Variants in F5 observed in about 807,000 individuals in gnomAD.
The protein encoded by F5 is activated protein c cofactor.
F5 carries 138 observed loss-of-function variants against 216.4 expected under a neutral mutation model. That is an observed-to-expected ratio of 0.64 (90% CI 0.56 to 0.73). F5 has a LOEUF of 0.73. Ranked by LOEUF, F5 falls within the 30% of genes least tolerant of loss-of-function variation. The pLI is 0.00. For synonymous variants in F5, 916 were observed against 930.7 expected (o/e 0.98, Z 0.29); for missense variants, 2,403 against 2,674.0 (o/e 0.90, Z 2.24).
chr1:169,572,327 A>G lies in F5; in HGVS notation c.267T>C (p.Thr89=). The change falls in exon 3 of 25, where the codon ACT becomes ACC. Residue 89 remains threonine (T), a synonymous_variant. Coordinates refer to ENST00000367797, the MANE Select transcript of F5 (RefSeq NM_000130.5). ...QSTISGLLGP[T]LYAEVGDIIK... The stretch of plus-strand genomic sequence containing the variant: ...TGATGTCTCCGACTTCAGCATATAA[A>G]GTAGGCCCAAGAAGTCCTGTGAAAA... 1 of 1,613,300 alleles carries G rather than the reference A, an allele frequency of 6.2e-7. No homozygotes were observed. The highest frequency in any genetic ancestry group is 8.5e-7 in the Non-Finnish European group (1 of 1,179,614).
At chr1:169,520,752 T>C (rs1659281153) in intron 21 of F5, 88 bp from the exon 22 acceptor site, 1 of 1,107,900 alleles carries the variant, frequency 9.0e-7, no homozygotes, top group Non-Finnish European at 1.3e-6. Context: ...AATATTGTAA[T>C]ACTACATTTT....
In F5 at chr1:169,550,020, A is replaced by C; in HGVS notation, c.1397-5T>G. 1 of 1,610,978 alleles carries C rather than the reference A, an allele frequency of 6.2e-7. No individual in the cohort carries two copies. Among genetic ancestry groups the C allele is most frequent in the Non-Finnish European group, 8.5e-7 (1 of 1,177,562 alleles). ...TGATCATGGTGTTGTTCCTGCCTGA[A>C]AGAAAATATATTCAAAATTGTTTTC... On this transcript the variant is annotated splice_polypyrimidine_tract_variant and splice_region_variant and intron_variant, in intron 9 of 24. Transcript: ENST00000367797.
rs1188145257 is a variant in F5, at chr1:169,560,772, G to A, written c.374-6C>T. 5 of 1,611,464 alleles carry A rather than the reference G, an allele frequency of 3.1e-6. No homozygotes were observed. Among genetic ancestry groups the A allele is most frequent in the Admixed American group, 1.7e-5 (1 of 59,934 alleles). ...GTGGTCAAGGTAAGAAGCACCTGGAGGAGTAACAGCCATCAAGACATGTGG... is the reference window on the plus strand; with the variant it reads ...GTGGTCAAGGTAAGAAGCACCTGGAAGAGTAACAGCCATCAAGACATGTGG... On this transcript the variant is annotated splice_polypyrimidine_tract_variant and splice_region_variant and intron_variant, in intron 3 of 24. Coordinates refer to ENST00000367797, the MANE Select transcript of F5 (RefSeq NM_000130.5).
rs1049666332 is a variant in F5, at chr1:169,513,827, G to A, written c.*486C>T. The stretch of plus-strand genomic sequence containing the variant: ...AAAGTCAGAAAAATCATTGTTATAT[G>A]GGAAAGACAGGATATTTTAAGTACT... On this transcript the variant is annotated 3_prime_UTR_variant, in exon 25 of 25. Coordinates refer to ENST00000367797, the MANE Select transcript of F5 (RefSeq NM_000130.5). Among the ~76,000 whole-genome samples, 5 of 151,936 alleles carry A rather than the reference G, an allele frequency of 3.3e-5. No homozygotes were observed. Among genetic ancestry groups the A allele is most frequent in the African/African-American group, 1.2e-4 (5 of 41,376 alleles).
At chr1:169,523,958 T>C in intron 19 of F5, 54 bp from the exon 20 acceptor site, 1 of 1,464,430 alleles carries the variant, frequency 6.8e-7, no homozygotes, top group Admixed American at 1.7e-5. Context: ...AACCCAGCAA[T>C]TTCTCAAGTG....
intron 14 of F5, among the ~76,000 whole-genome samples, chr1:169,536,053 G>A (rs1291104427): frequency 6.6e-6 from 1 of 152,026 alleles, no homozygotes. Context: ...CACTTTTGGA[G>A]GGCATGGAGA....
chr1:169,524,018 A>G (rs1399930634), intron 19 of F5, 114 bp from the exon 20 acceptor site: 1 of 864,692 alleles, frequency 1.2e-6, no homozygotes, highest in African/African-American at 1.7e-5. Flanking sequence ...TGTTGTAGTC[A>G]GGAGTCTAGG....
intron 24 of F5, among the ~76,000 whole-genome samples, 157 bp downstream of exon 24, chr1:169,515,287 C>T (rs375153687): frequency 1.3e-5 from 2 of 152,056 alleles, no homozygotes; most frequent in East Asian, 3.8e-4. Flanking sequence ...AACAGACAAC[C>T]AGGAGTTTGT....
chr1:169,521,338 C>A (rs1659300440), intron 21 of F5, among the ~76,000 whole-genome samples: 1 of 152,172 alleles, frequency 6.6e-6, no homozygotes, highest in South Asian at 2.1e-4. Context: ...CCTAATGAAG[C>A]TCCTGCCCCT....
intron 6 of F5, among the ~76,000 whole-genome samples, chr1:169,556,316 T>G (rs1351090978): frequency 1.3e-5 from 1 of 75,430 alleles, no homozygotes; most frequent in Non-Finnish European, 2.2e-5. Context: ...ATCTAGGTCT[T>G]TTTTGCATAT....
At chr1:169,547,595 A>G (rs1660043820) in intron 10 of F5, among the ~76,000 whole-genome samples, 1 of 152,268 alleles carries the variant, frequency 6.6e-6, no homozygotes, top group African/African-American at 2.4e-5. Flanking sequence ...AAAAACGCTC[A>G]ACATCACTGA....
intron 2 of F5, among the ~76,000 whole-genome samples, chr1:169,580,760 T>C (rs1461383994): frequency 1.3e-5 from 2 of 152,176 alleles, no homozygotes; most frequent in Admixed American, 1.3e-4. Flanking sequence ...ATGTGAAGAC[T>C]ATATAAATGA....
At chr1:169,537,891 T>C (rs575547593) in intron 13 of F5, among the ~76,000 whole-genome samples, 1 of 152,138 alleles carries the variant, frequency 6.6e-6, no homozygotes, top group Non-Finnish European at 1.5e-5. Context: ...TGTAAATTAG[T>C]ACAGCCATTA....
rs139845415 is a variant in F5 at position 169,553,437 on chromosome 1, G to A, written c.1119-703C>T. ...TCAAAACCACAATGAGGCCGGGCGC[G>A]GTGGCTCACGCCTGTACTCTCAGCA... On this transcript the variant is annotated intron_variant, in intron 7 of 24. Transcript: ENST00000367797. Among the ~76,000 whole-genome samples the A allele has an allele frequency of 1.9e-3, 293 of 152,318 alleles. 3 individuals carry two copies. Among genetic ancestry groups the A allele is most frequent in the African/African-American group, 6.6e-3 (276 of 41,566 alleles).
chr1:169,572,415 C>T, intron 2 of F5, 72 bp from the exon 3 acceptor site: 1 of 1,561,348 alleles, frequency 6.4e-7, no homozygotes, highest in Non-Finnish European at 8.8e-7. Context: ...GCAAGAAAAA[C>T]AAACAGATGA....
chr1:169,560,466 C>T, intron 4 of F5, 88 bp downstream of exon 4: 1 of 1,319,848 alleles, frequency 7.6e-7, no homozygotes, highest in Middle Eastern at 1.8e-4. Flanking sequence ...CAAGAAGTTA[C>T]CAAGATGCTC....
rs1276514817 is a variant in F5, at chr1:169,523,228, A to G, written c.6017T>C (p.Ile2006Thr). Reference protein sequence around the residue: ...AYSSNQINWQIFKGNSTRNVM... With the variant: ...AYSSNQINWQTFKGNSTRNVM... ...ATTCCTTGTGCTGTTCCCTTTGAAG[A>G]TCTGCCAGTTGATCTGGTTGGAACT... Residue 2006 changes from isoleucine to threonine, a missense_variant, in exon 21 of 25, where the codon ATC becomes ACC. Transcript: ENST00000367797. The G allele has an allele frequency of 1.2e-6, 2 of 1,613,986 alleles. No homozygotes were observed. The highest frequency in any genetic ancestry group is 2.7e-5 in the African/African-American group (2 of 74,932).
chr1:169,555,094 T>C, intron 7 of F5, 88 bp downstream of exon 7: 3 of 1,444,390 alleles, frequency 2.1e-6, no homozygotes, highest in Non-Finnish European at 2.9e-6. Flanking sequence ...CCTTGAGAGC[T>C]GTGAACTTAC....
Position 169,514,301 on chromosome 1 carries a change from G to C in F5, c.*12C>G. 1 of 1,612,840 alleles carries C rather than the reference G, an allele frequency of 6.2e-7. No homozygotes were observed. ...TAAAGAGTCTCTTCCAGGGGTTTTT[G>C]AATGTTCAATTCTAGTAAATATCAC... On this transcript the variant is annotated 3_prime_UTR_variant, in exon 25 of 25. Coordinates refer to ENST00000367797, the MANE Select transcript of F5 (RefSeq NM_000130.5).
Sources: gnomAD v4.1 joint callset for allele counts (sites outside exome capture counted in the v4.1 genomes callset) on GRCh38, gnomAD v4.1.1 for gene constraint, MANE v1.5 for transcripts, NCBI Gene and HGNC (gene_info 2026-07-23, HGNC 2026-07-21) for gene names.